NRXN1: variants seen among roughly 807,000 people sequenced by gnomAD.
NRXN1 encodes the protein neurexin 1.
A neutral mutation model predicts 150.9 loss-of-function variants in NRXN1; 39 were observed. The observed-to-expected ratio is 0.26, with a 90% CI of 0.20 to 0.34. The LOEUF (loss-of-function observed/expected upper bound fraction) is 0.34. Among genes scored for constraint, NRXN1 ranks in the 10% least tolerant of loss-of-function variants. The probability of loss-of-function intolerance (pLI) is 1.00; values close to 1 mark genes in which losing one functional copy is unlikely to be tolerated. For missense variants in NRXN1, 1,815 were observed against 1,949.9 expected (o/e 0.93, Z 1.30); for synonymous variants, 924 against 757.0 (o/e 1.22, Z -3.62).
intron 22 of NRXN1, among the ~76,000 whole-genome samples, chr2:49,922,821 A>T (rs2104010149): frequency 6.6e-6 from 1 of 152,356 alleles, no homozygotes; most frequent in African/African-American, 2.4e-5. Context: ...TATAAATAAA[A>T]ATAGACTAAT....
intron 5 of NRXN1, among the ~76,000 whole-genome samples, chr2:50,647,726 C>T (rs914197395): frequency 2.3e-4 from 35 of 151,850 alleles, no homozygotes; most frequent in African/African-American, 8.2e-4. Flanking sequence ...CCTTAAAATT[C>T]AGGAAAGTTT....
At chr2:50,918,717 A>G (rs1685571872) in intron 5 of NRXN1, 1 of 332,348 alleles carries the variant, frequency 3.0e-6, no homozygotes, top group South Asian at 1.5e-4. Context: ...AAGAAACAAG[A>G]ACAAAAGAGA....
intron 8 of NRXN1, among the ~76,000 whole-genome samples, chr2:50,594,733 C>A (rs1674863418): frequency 6.6e-6 from 1 of 152,114 alleles, no homozygotes; most frequent in African/African-American, 2.4e-5. Flanking sequence ...ACGCTAACAG[C>A]ATTTTGAATC....
chr2:50,282,395 G>A (rs1312337693), intron 17 of NRXN1, among the ~76,000 whole-genome samples: 3 of 152,090 alleles, frequency 2.0e-5, no homozygotes, highest in Non-Finnish European at 4.4e-5. Context: ...AATACAAGTT[G>A]GAATTGTGCA....
Position 50,553,714 on chromosome 2 carries a change from C to T in NRXN1, c.1321-689G>A, listed in dbSNP as rs534908595. Among the ~76,000 whole-genome samples the T allele has an allele frequency of 4.6e-5, 7 of 152,332 alleles. No homozygotes were observed. The South Asian group carries it at 1.4e-3, about 32-fold the overall frequency. On this transcript the variant is annotated intron_variant, in intron 8 of 22. Coordinates refer to ENST00000401669, the MANE Select transcript of NRXN1 (RefSeq NM_001330078.2). ...CCCTCAATTTATTCAACCTGTGTTACTGGTGATCCATTTCACTTTTAATTT... is the reference window on the plus strand; with the variant it reads ...CCCTCAATTTATTCAACCTGTGTTATTGGTGATCCATTTCACTTTTAATTT...
At chr2:50,906,972 T>C (rs1436045094) in intron 5 of NRXN1, among the ~76,000 whole-genome samples, 1 of 151,866 alleles carries the variant, frequency 6.6e-6, no homozygotes, top group Non-Finnish European at 1.5e-5. Flanking sequence ...CCTGCCCTCC[T>C]CTCTCACACC....
At chr2:50,526,823 T>G (rs2092964519) in intron 12 of NRXN1, 1 of 152,144 alleles carries the variant, frequency 6.6e-6, no homozygotes, top group South Asian at 2.1e-4. Flanking sequence ...ACATACTCAT[T>G]AAAAAGGGAA....
At chr2:50,488,343 C>T (rs2091021965) in intron 15 of NRXN1, among the ~76,000 whole-genome samples, 1 of 152,194 alleles carries the variant, frequency 6.6e-6, no homozygotes, top group East Asian at 1.9e-4. Flanking sequence ...ACTAGAACTG[C>T]TAAACTTAAA....
intron 5 of NRXN1, among the ~76,000 whole-genome samples, chr2:50,826,964 G>C (rs761843925): frequency 3.9e-5 from 6 of 152,208 alleles, no homozygotes; most frequent in Non-Finnish European, 7.3e-5. Context: ...AGCCAACAGA[G>C]CAGAAGTCAG....
intron 15 of NRXN1, among the ~76,000 whole-genome samples, chr2:50,476,330 T>C (rs1185515680): frequency 6.6e-6 from 1 of 152,134 alleles, no homozygotes; most frequent in Non-Finnish European, 1.5e-5. Context: ...GACTAGGGAA[T>C]AGGGCACAGG....
intron 19 of NRXN1, among the ~76,000 whole-genome samples, chr2:50,069,456 T>C: frequency 6.6e-6 from 1 of 152,212 alleles, no homozygotes; most frequent in Admixed American, 6.5e-5. Flanking sequence ...CATGAGGAAA[T>C]TAATTTTAGA....
chr2:50,502,035 T>A (rs541373947), intron 13 of NRXN1, among the ~76,000 whole-genome samples: 2 of 152,332 alleles, frequency 1.3e-5, no homozygotes, highest in African/African-American at 4.8e-5. Flanking sequence ...CTCTGATTTA[T>A]GGGTGGCTTC....
At chr2:50,851,919 T>G (rs910262567) in intron 5 of NRXN1, among the ~76,000 whole-genome samples, 1 of 152,062 alleles carries the variant, frequency 6.6e-6, no homozygotes, top group Admixed American at 6.5e-5. Flanking sequence ...AAAAAGAGAG[T>G]AAGATACTCT....
chr2:50,901,700 A>G (rs965711962), intron 5 of NRXN1, among the ~76,000 whole-genome samples: 5 of 152,226 alleles, frequency 3.3e-5, no homozygotes, highest in African/African-American at 1.2e-4. Context: ...GTTCGATATC[A>G]CGTGACACTA....
chr2:50,408,333 T>C (rs909137644), intron 17 of NRXN1, among the ~76,000 whole-genome samples: 3 of 152,332 alleles, frequency 2.0e-5, no homozygotes, highest in East Asian at 1.9e-4. Context: ...ATTGAGCACT[T>C]ACCATGTCCA....
At chr2:49,940,960 G>A (rs1487895782) in intron 22 of NRXN1, among the ~76,000 whole-genome samples, 1 of 152,132 alleles carries the variant, frequency 6.6e-6, no homozygotes, top group African/African-American at 2.4e-5. Flanking sequence ...AACTGAAAGA[G>A]AGGAGAAAAA....
intron 17 of NRXN1, among the ~76,000 whole-genome samples, chr2:50,413,593 T>C (rs907305834): frequency 2.6e-5 from 4 of 152,102 alleles, no homozygotes; most frequent in African/African-American, 7.2e-5. Flanking sequence ...GGAATGTAAA[T>C]TAGTACAACC....
intron 21 of NRXN1, among the ~76,000 whole-genome samples, chr2:50,019,603 T>A (rs1687185998): frequency 9.7e-6 from 1 of 102,634 alleles, no homozygotes; most frequent in South Asian, 3.5e-4. Flanking sequence ...GATGCTGCCA[T>A]TGCACTCCAG....
At position 50,765,966 on chromosome 2, in the gene NRXN1, T is replaced by C. The variant is rs542126701; in HGVS notation, c.833-142351A>G. Among the ~76,000 whole-genome samples the C allele has an allele frequency of 1.8e-4, 28 of 152,164 alleles. 1 individual carries two copies. In the East Asian group the frequency reaches 4.7e-3, roughly 25 times the overall value. ...TCAGTGACTGATTGGTTTTTATGCC[T>C]AGAAGAGAAAGCAAATTTTGAAAGT... On this transcript the variant is annotated intron_variant, in intron 5 of 22. Transcript: ENST00000401669.
Sources: gnomAD v4.1 joint callset for allele counts (sites outside exome capture counted in the v4.1 genomes callset) on GRCh38, gnomAD v4.1.1 for gene constraint, MANE v1.5 for transcripts, NCBI Gene and HGNC (gene_info 2026-07-23, HGNC 2026-07-21) for gene names.